Variants in PRRC2B observed in about 807,000 individuals in gnomAD.
The protein encoded by PRRC2B is protein PRRC2B.
PRRC2B carries 68 observed loss-of-function variants against 242.3 expected under a neutral mutation model. The observed-to-expected ratio is 0.28, with a 90% CI of 0.23 to 0.34. The LOEUF (loss-of-function observed/expected upper bound fraction) is 0.34. Among genes scored for constraint, PRRC2B ranks in the 10% least tolerant of loss-of-function variants. PRRC2B has a pLI of 1.00. For missense variants in PRRC2B, 2,835 were observed against 2,954.8 expected, an observed-to-expected ratio of 0.96 and a Z score of 0.94; for synonymous variants, 1,228 against 1,173.6, an observed-to-expected ratio of 1.05 and a Z score of -0.95.
intron 1 of PRRC2B, among the ~76,000 whole-genome samples, chr9:131,376,686 G>A (rs530468864): frequency 6.6e-6 from 1 of 152,282 alleles, no homozygotes; most frequent in South Asian, 2.1e-4. Flanking sequence ...ACTTGGAACA[G>A]AGCAAAACCC....
rs1943701161 is a variant in PRRC2B, at chr9:131,476,404, A to G, written c.4275A>G (p.Arg1425=). 1 of 1,608,598 alleles carries G rather than the reference A, an allele frequency of 6.2e-7. No individual in the cohort carries two copies. Among genetic ancestry groups the G allele is most frequent in the South Asian group, 1.1e-5 (1 of 90,240 alleles). Residue 1425 remains arginine (R), a synonymous_variant, in exon 16 of 32, where the codon AGA becomes AGG. Transcript: ENST00000683519. ...ELAKRSFSSQ[R]PVVDRQSRKL... ...CCAAGAGGAGCTTCTCCAGTCAGAG[A>G]CCCGTGGTTGACAGACAGAGCCGAA... is the stretch of plus-strand genomic sequence containing the variant.
rs550855377 is a variant in PRRC2B, at chr9:131,471,081, G to A, written c.2107+98G>A. 8.2e-6 allele frequency: 7 copies of A among 856,674 alleles called. No individual in the cohort carries two copies. In the African/African-American group the frequency reaches 8.8e-5, roughly 11 times the overall value. 53.1% of individuals were successfully genotyped at this position (856,674 alleles called of 1,614,324 possible). A position where few individuals can be genotyped will look rare whatever the true frequency, so the allele number is the denominator to read the frequency against. ...GTTAAACAGATACACCTGGATTTTG[G>A]TCTGGCTCTTTGTCAAGTACACAAC... On this transcript the variant is annotated intron_variant, in intron 14 of 31. Coordinates refer to ENST00000683519, the MANE Select transcript of PRRC2B (RefSeq NM_013318.4).
At chr9:131,474,330 C>T in intron 15 of PRRC2B, 124 bp from the exon 16 acceptor site, 4 of 830,410 alleles carry the variant, frequency 4.8e-6, no homozygotes, top group South Asian at 4.2e-5. Flanking sequence ...TTCTAGCTTT[C>T]TTTTTAAAAA....
In PRRC2B at chr9:131,499,241, T is replaced by TGAGCACACACAGGTGCACAGCCACA. The variant is rs1426434138; in HGVS notation, c.*3390_*3391insCAGAGCACACACAGGTGCACAGCCA. ...ATGGTCAGTGACAGCTTCTGGAAGC[T>TGAGCACACACAGGTGCACAGCCACA]GAGCACACACAGGTGCACAGCCATG... On this transcript the variant is annotated 3_prime_UTR_variant, in exon 32 of 32. Transcript: ENST00000683519. 1.3e-5 allele frequency: 2 copies of TGAGCACACACAGGTGCACAGCCACA among 152,222 alleles called. No homozygotes were observed. Among genetic ancestry groups the TGAGCACACACAGGTGCACAGCCACA allele is most frequent in the African/African-American group, 4.8e-5 (2 of 41,452 alleles). 9.4% of individuals were successfully genotyped at this position (152,222 alleles called of 1,614,324 possible).
At chr9:131,458,190 TTTG>T (rs1943138007) in intron 10 of PRRC2B, among the ~76,000 whole-genome samples, 3 of 152,126 alleles carry the variant, frequency 2.0e-5, no homozygotes, top group Non-Finnish European at 2.9e-5. Context: ...GTAGTCATCT[TTTG>T]TTCTTTTGAG....
upstream of PRRC2B, among the ~76,000 whole-genome samples, chr9:131,393,216 G>A (rs1028223549): frequency 6.6e-6 from 1 of 152,188 alleles, no homozygotes; most frequent in Non-Finnish European, 1.5e-5. Flanking sequence ...CAAACCACGT[G>A]CTTTAGCATA....
At chr9:131,450,241 A>G (rs1470358652) in intron 9 of PRRC2B, among the ~76,000 whole-genome samples, 3 of 151,974 alleles carry the variant, frequency 2.0e-5, no homozygotes, top group Non-Finnish European at 4.4e-5. Context: ...TTGAATCTGT[A>G]TCAACATCGA....
At chr9:131,419,855 G>A (rs1343439425) in intron 1 of PRRC2B, among the ~76,000 whole-genome samples, 1 of 152,004 alleles carries the variant, frequency 6.6e-6, no homozygotes, top group Non-Finnish European at 1.5e-5. Flanking sequence ...TGGGCCGGGG[G>A]GGTCTGGACT....
chr9:131,497,358 G>C lies in PRRC2B; in HGVS notation c.*1484G>C, dbSNP rs1944361042. 1 of 152,270 alleles carries C rather than the reference G, an allele frequency of 6.6e-6. No individual in the cohort carries two copies. The highest frequency in any genetic ancestry group is 6.5e-5 in the Admixed American group (1 of 15,284). The allele number at this position is 152,270 out of a possible 1,614,324, so 9.4% of individuals were successfully genotyped here. A position where few individuals can be genotyped will look rare whatever the true frequency, so the allele number is the denominator to read the frequency against. ...AAACAAGGAAATCACTCCAGATTCT[G>C]TCATTCCAAGGAAAGGGAAGGGGAC... On this transcript the variant is annotated 3_prime_UTR_variant, in exon 32 of 32. Coordinates refer to ENST00000683519, the MANE Select transcript of PRRC2B (RefSeq NM_013318.4).
rs532352562 is a variant in PRRC2B at position 131,488,078 on chromosome 9, G to A, written c.6207G>A (p.Leu2069=). The A allele has an allele frequency of 1.9e-6, 3 of 1,613,014 alleles. No homozygotes were observed. The South Asian group carries it at 3.3e-5, about 18-fold the overall frequency. ...QAAGLGASQM[L]DSQLPQLTMP... Reference sequence around the variant, plus strand: ...CTGGCCTGGGTGCCTCCCAGATGTTGGACTCCCAGCTCCCACAGGTCAGGA... The same window carrying A: ...CTGGCCTGGGTGCCTCCCAGATGTTAGACTCCCAGCTCCCACAGGTCAGGA... The change falls in exon 28 of 32, where the codon TTG becomes TTA. Residue 2069 remains leucine, a synonymous_variant. Coordinates refer to ENST00000683519, the MANE Select transcript of PRRC2B (RefSeq NM_013318.4).
intron 1 of PRRC2B, among the ~76,000 whole-genome samples, chr9:131,395,184 GC>G (rs1458111429): frequency 1.3e-5 from 2 of 152,108 alleles, no homozygotes; most frequent in Non-Finnish European, 2.9e-5. Flanking sequence ...GAGAAGGGGG[GC>G]TGGGGAGTGT....
chr9:131,423,812 C>T (rs1479509113), intron 1 of PRRC2B, among the ~76,000 whole-genome samples: 1 of 152,188 alleles, frequency 6.6e-6, no homozygotes, highest in Non-Finnish European at 1.5e-5. Context: ...GTAGGGGCTG[C>T]TTTCATTCAC....
chr9:131,484,717 G>A lies in PRRC2B; in HGVS notation c.5492G>A (p.Arg1831Gln), dbSNP rs762512783. ...AGLTQSIPIL[R>Q]RDHHIQRAIG... Reference sequence around the variant, plus strand: ...TTAACACAGAGTATCCCCATCCTGCGGCGGGACCATCACATCCAGAGGGCC... The same window carrying A: ...TTAACACAGAGTATCCCCATCCTGCAGCGGGACCATCACATCCAGAGGGCC... The change falls in exon 24 of 32, where the codon CGG (arginine) becomes CAG (glutamine). Residue 1831 changes from arginine (R) to glutamine (Q), a missense_variant. Around this residue, in one of 7 missense-constraint regions of PRRC2B, gnomAD observed 574 missense variants for 626.0 expected, o/e 0.92. Coordinates refer to ENST00000683519, the MANE Select transcript of PRRC2B (RefSeq NM_013318.4). The A allele has an allele frequency of 1.1e-5, 18 of 1,612,310 alleles. No homozygotes were observed. Among genetic ancestry groups the A allele is most frequent in the South Asian group, 2.2e-5 (2 of 90,870 alleles).
chr9:131,484,932 C>A lies in PRRC2B; in HGVS notation c.5566-16C>A. 1 of 1,600,082 alleles carries A rather than the reference C, an allele frequency of 6.2e-7. No individual in the cohort carries two copies. The highest frequency in any genetic ancestry group is 8.6e-7 in the Non-Finnish European group (1 of 1,169,274). ...GATAGTAATTTTCATCCCTCCCCCT[C>A]CCCTTGCTTCTGAAGATGGAGTCTG... On this transcript the variant is annotated splice_polypyrimidine_tract_variant and intron_variant, in intron 24 of 31. Coordinates refer to ENST00000683519, the MANE Select transcript of PRRC2B (RefSeq NM_013318.4).
Position 131,491,537 on chromosome 9 carries a change from C to G in PRRC2B, c.6338C>G (p.Pro2113Arg), listed in dbSNP as rs1033575054. Residue 2113 changes from proline to arginine, a missense_variant, in exon 29 of 32, where the codon CCT becomes CGT. Physicochemically the swap from Pro to Arg is moderately radical, Grantham distance 103. Around this residue, in one of 7 missense-constraint regions of PRRC2B, gnomAD observed 574 missense variants for 626.0 expected, o/e 0.92. Coordinates refer to ENST00000683519, the MANE Select transcript of PRRC2B (RefSeq NM_013318.4). ...TCCGTTGGGGCCCCCCGAAGGATTC[C>G]TCCGCCCGGGTCCCAGCCGCCAGTC... ...SLSVGAPRRI[P>R]PPGSQPPVLN... 1.2e-6 allele frequency: 2 copies of G among 1,611,720 alleles called. No individual in the cohort carries two copies. Among genetic ancestry groups the G allele is most frequent in the African/African-American group, 2.7e-5 (2 of 74,918 alleles).
chr9:131,419,925 T>C (rs1837756862), intron 1 of PRRC2B, among the ~76,000 whole-genome samples: 1 of 151,916 alleles, frequency 6.6e-6, no homozygotes, highest in South Asian at 2.1e-4. Context: ...CCCCGTGGTC[T>C]GTGTTGCTGT....
chr9:131,464,684 A>C, intron 11 of PRRC2B, 79 bp from the exon 12 acceptor site: 1 of 1,312,718 alleles, frequency 7.6e-7, no homozygotes, highest in Non-Finnish European at 1.0e-6. Context: ...TGGGAGGAGA[A>C]CTGATCCCAA....
rs962104655 is a variant in PRRC2B, at chr9:131,482,250, G to C, written c.4984-121G>C. 1.8e-6 allele frequency: 2 copies of C among 1,124,610 alleles called. No homozygotes were observed. Among genetic ancestry groups the C allele is most frequent in the Admixed American group, 2.3e-5 (1 of 42,792 alleles). 69.7% of individuals were successfully genotyped at this position (1,124,610 alleles called of 1,614,324 possible). On this transcript the variant is annotated intron_variant, in intron 20 of 31. Transcript: ENST00000683519. This position sits in a 1 kb window ranked among gnomAD's most constrained non-coding sequence, Gnocchi z 5.2. ...CTCAGCAGGGCAGGATCAAGATCAG[G>C]ACCAGACTTGGCAAGGGACAGGCAG... is the stretch of plus-strand genomic sequence containing the variant.
chr9:131,420,451 CTTTTTCTTTCTTTCTT>C (rs1837776079), intron 1 of PRRC2B, among the ~76,000 whole-genome samples: 1 of 44,330 alleles, frequency 2.3e-5, no homozygotes, highest in Admixed American at 2.7e-4. Context: ...TTTTCTTTTT[CTTTTTCTTTCTTTCTT>C]TCTTTCTTTC....
Sources: gnomAD v4.1 joint callset for allele counts (sites outside exome capture counted in the v4.1 genomes callset) on GRCh38, gnomAD v4.1.1 for gene constraint, gnomAD v4.1.1 regional missense constraint, Gnocchi (gnomAD v3.1) non-coding constraint, MANE v1.5 for transcripts, NCBI Gene and HGNC (gene_info 2026-07-23, HGNC 2026-07-21) for gene names.